TSHR: variants seen among roughly 807,000 people sequenced by gnomAD.
TSHR encodes thyroid stimulating hormone receptor, also known as thyrotropin receptor.
A neutral mutation model predicts 64.1 loss-of-function variants in TSHR; 51 were observed. The ratio of observed to expected loss-of-function variants is 0.80; its 90% CI spans 0.64 to 1.01. The LOEUF (loss-of-function observed/expected upper bound fraction) is 1.01. TSHR is among the 50% of genes least tolerant of loss of function. The pLI, the probability that TSHR is intolerant of heterozygous loss-of-function variation, is 0.00. For missense variants in TSHR, 877 were observed against 942.8 expected (o/e 0.93, Z 0.91); for synonymous variants, 361 against 361.9 (o/e 1.00, Z 0.03).
At chr14:81,089,113 G>A (rs547956864) in intron 4 of TSHR, among the ~76,000 whole-genome samples, 106 of 150,474 alleles carry the variant, frequency 7.0e-4, no homozygotes, top group Admixed American at 1.5e-3. Context: ...TCAGCCTCCC[G>A]AGTAGCTGGG....
At chr14:81,053,997 T>C (rs747834773) in intron 1 of TSHR, among the ~76,000 whole-genome samples, 59 of 152,194 alleles carry the variant, frequency 3.9e-4, no homozygotes, top group Non-Finnish European at 7.5e-4. Flanking sequence ...ATGATAGAAG[T>C]CAGAATAGTA....
At chr14:81,095,720 GAATT>G (rs1236463198) in intron 6 of TSHR, among the ~76,000 whole-genome samples, 1 of 152,130 alleles carries the variant, frequency 6.6e-6, no homozygotes, top group African/African-American at 2.4e-5. Flanking sequence ...ATCATTAAAT[GAATT>G]AATTAGTCAT....
intron 1 of TSHR, among the ~76,000 whole-genome samples, chr14:80,984,650 T>C (rs970926169): frequency 6.6e-6 from 1 of 152,224 alleles, no homozygotes; most frequent in Non-Finnish European, 1.5e-5. Flanking sequence ...CTGGTTTTAA[T>C]GTTTAATTTT....
chr14:80,989,145 C>T (rs1358301353), intron 1 of TSHR, among the ~76,000 whole-genome samples: 1 of 152,140 alleles, frequency 6.6e-6, no homozygotes, highest in Non-Finnish European at 1.5e-5. Context: ...CTTCCTCTGC[C>T]TCTTTTATGT....
At chr14:81,010,563 G>T (rs1279640797) in intron 1 of TSHR, among the ~76,000 whole-genome samples, 1 of 151,864 alleles carries the variant, frequency 6.6e-6, no homozygotes, top group African/African-American at 2.4e-5. Context: ...ATGGATGGTT[G>T]TACATTAATC....
chr14:81,025,524 C>A (rs1314572539), intron 1 of TSHR, among the ~76,000 whole-genome samples: 1 of 151,518 alleles, frequency 6.6e-6, no homozygotes, highest in Non-Finnish European at 1.5e-5. Context: ...CTATGATATT[C>A]TATAATATTG....
intron 1 of TSHR, among the ~76,000 whole-genome samples, chr14:81,000,264 T>TAATACCACCCCAGAAATCGGTTGC (rs71103893): frequency 0.018 from 2,792 of 151,916 alleles, 40 homozygotes; most frequent in Middle Eastern, 0.037. Flanking sequence ...ACTGACATTG[T>TAATACCACCCCAGAAATCGGTTGC]AAACCAGAAT....
chr14:81,118,638 G>T (rs920704615), intron 8 of TSHR, among the ~76,000 whole-genome samples: 2 of 152,072 alleles, frequency 1.3e-5, no homozygotes, highest in Admixed American at 1.3e-4. Context: ...TCCCCATCAA[G>T]CTACCAATGA....
At chr14:80,999,926 C>CTTTTTTTTTTTTTT (rs887541689) in intron 1 of TSHR, among the ~76,000 whole-genome samples, 5 of 142,870 alleles carry the variant, frequency 3.5e-5, no homozygotes, top group African/African-American at 5.2e-5. Context: ...AATTTTTTTT[C>CTTTTTTTTTTTTTT]TTTTTTTTCT....
intron 1 of TSHR, among the ~76,000 whole-genome samples, chr14:81,007,145 T>C (rs1889646993): frequency 6.6e-6 from 1 of 152,198 alleles, no homozygotes; most frequent in Non-Finnish European, 1.5e-5. Context: ...AGATGGGGTC[T>C]TTGGAGGGAA....
chr14:81,142,606 C>CTTTTTTT (rs10711545), intron 9 of TSHR, among the ~76,000 whole-genome samples: 5 of 97,248 alleles, frequency 5.1e-5, no homozygotes, highest in Admixed American at 1.1e-4. Context: ...AACAAGCATT[C>CTTTTTTT]TTTTTTTTTT....
At chr14:81,123,076 G>A (rs1216420891) in intron 8 of TSHR, among the ~76,000 whole-genome samples, 2 of 152,014 alleles carry the variant, frequency 1.3e-5, no homozygotes, top group East Asian at 3.9e-4. Flanking sequence ...GCAGTGAGCC[G>A]AGATTGCACC....
rs1161879777 is a variant in TSHR, at chr14:81,122,020, C to CTTT, written c.692+13607_692+13609dup. Among the ~76,000 whole-genome samples, 10 of 44,904 alleles carry CTTT rather than the reference C, an allele frequency of 2.2e-4. 3 individuals are homozygous for CTTT. The highest frequency in any genetic ancestry group is 3.3e-4 in the Non-Finnish European group (8 of 23,980). 29.5% of individuals were successfully genotyped at this position (44,904 alleles called of 152,430 possible). On this transcript the variant is annotated intron_variant, in intron 8 of 9. Coordinates refer to ENST00000298171, the MANE Select transcript of TSHR (RefSeq NM_000369.5). ...CTGGTTTGAGATGTGTTTTCTTTTCCTTTTTTTTTTTTTTTTTTTTTTTTT... is the reference window on the plus strand; with the variant it reads ...CTGGTTTGAGATGTGTTTTCTTTTCCTTTTTTTTTTTTTTTTTTTTTTTTTTTT...
intron 8 of TSHR, among the ~76,000 whole-genome samples, chr14:81,119,571 A>G (rs1333940308): frequency 8.5e-6 from 1 of 117,076 alleles, no homozygotes; most frequent in Non-Finnish European, 1.7e-5. Context: ...ACACTTTTAC[A>G]TTGTTGGTGG....
chr14:80,962,795 C>G (rs1168801756), intron 1 of TSHR, among the ~76,000 whole-genome samples: 3 of 152,146 alleles, frequency 2.0e-5, no homozygotes, highest in Non-Finnish European at 4.4e-5. Flanking sequence ...CCATACGGGA[C>G]AGAATTTACA....
intron 1 of TSHR, among the ~76,000 whole-genome samples, chr14:80,999,757 G>A (rs1222423021): frequency 6.6e-6 from 1 of 151,978 alleles, no homozygotes; most frequent in Non-Finnish European, 1.5e-5. Flanking sequence ...TGAGTCAAAA[G>A]AATATATTAT....
At chr14:81,119,413 A>G in intron 8 of TSHR, among the ~76,000 whole-genome samples, 1 of 141,656 alleles carries the variant, frequency 7.1e-6, no homozygotes. Context: ...ATGCAGCCAA[A>G]AAACACATGA....
chr14:81,080,412 C>T (rs1887817572), intron 3 of TSHR, among the ~76,000 whole-genome samples: 2 of 152,252 alleles, frequency 1.3e-5, no homozygotes, highest in Admixed American at 6.5e-5. Context: ...AGCTTTAGCA[C>T]CAATCCTTAA....
In TSHR at chr14:80,956,935, G is replaced by T. The variant is rs1886725616; in HGVS notation, c.170+1085G>T. Among the ~76,000 whole-genome samples the T allele has an allele frequency of 2.0e-5, 3 of 152,220 alleles. No individual in the cohort carries two copies. In the South Asian group the frequency reaches 6.2e-4, roughly 32 times the overall value. ...CCACCACAGAATAAGATGTGTAAAAGGTGTAATGGCCTCTTGATTACACCT... is the reference window on the plus strand; with the variant it reads ...CCACCACAGAATAAGATGTGTAAAATGTGTAATGGCCTCTTGATTACACCT... On this transcript the variant is annotated intron_variant, in intron 1 of 9. Transcript: ENST00000298171.
Sources: gnomAD v4.1 joint callset for allele counts (sites outside exome capture counted in the v4.1 genomes callset) on GRCh38, gnomAD v4.1.1 for gene constraint, MANE v1.5 for transcripts, NCBI Gene and HGNC (gene_info 2026-07-23, HGNC 2026-07-21) for gene names.